Variants in IL1RAPL1 observed in about 807,000 individuals in gnomAD.
IL1RAPL1 encodes the protein interleukin 1 receptor accessory protein like 1, also known as interleukin-1 receptor accessory protein-like 1.
A neutral mutation model predicts 48.4 loss-of-function variants in IL1RAPL1; 3 were observed. The observed-to-expected ratio is 0.06, with a 90% confidence interval of 0.03 to 0.16. The LOEUF (loss-of-function observed/expected upper bound fraction) is 0.16. IL1RAPL1 is among the 10% of genes least tolerant of loss of function. IL1RAPL1 has a pLI of 1.00. For synonymous variants in IL1RAPL1, 185 were observed against 187.7 expected (o/e 0.99, Z 0.12); for missense variants, 349 against 530.6 (o/e 0.66, Z 3.36).
chrX:29,495,891 CTCTGTCTG>C (rs889185591), intron 5 of IL1RAPL1, among the ~76,000 whole-genome samples: 11 of 110,729 alleles, frequency 9.9e-5, no homozygotes, highest in African/African-American at 3.3e-4. Flanking sequence ...CTCTCTCTCT[CTCTGTCTG>C]TCTGTCTCTC....
intron 1 of IL1RAPL1, among the ~76,000 whole-genome samples, chrX:28,668,440 A>T (rs2146912951): frequency 8.9e-6 from 1 of 112,100 alleles, no homozygotes; most frequent in Admixed American, 9.4e-5. Context: ...TTGTATCTTT[A>T]GTAGAGACAG....
chrX:28,831,117 C>A (rs1165014073), intron 2 of IL1RAPL1, among the ~76,000 whole-genome samples: 2 of 87,623 alleles, frequency 2.3e-5, no homozygotes, highest in Admixed American at 1.4e-4. Context: ...TGGCAATTTA[C>A]AACTCTGCCT....
intron 3 of IL1RAPL1, among the ~76,000 whole-genome samples, chrX:29,370,864 GTAT>G (rs772484091): frequency 1.2e-4 from 13 of 109,183 alleles, no homozygotes; most frequent in African/African-American, 3.3e-4. Context: ...CTTTTTCCTT[GTAT>G]TATTATTTTT....
At chrX:29,490,127 C>G (rs753209893) in intron 5 of IL1RAPL1, among the ~76,000 whole-genome samples, 6 of 110,627 alleles carry the variant, frequency 5.4e-5, no homozygotes, top group Non-Finnish European at 1.1e-4. Context: ...TGTGACAATT[C>G]CAGGCAGCAT....
At chrX:29,717,203 T>TACACACACACACACACAC (rs61417683) in intron 6 of IL1RAPL1, among the ~76,000 whole-genome samples, 55 of 95,544 alleles carry the variant, frequency 5.8e-4, no homozygotes, top group Middle Eastern at 5.2e-3. Context: ...AGAGCCAGAT[T>TACACACACACACACACAC]ACACACACAC....
At chrX:28,684,169 C>T (rs1214699114) in intron 1 of IL1RAPL1, among the ~76,000 whole-genome samples, 1 of 112,331 alleles carries the variant, frequency 8.9e-6, no homozygotes, top group East Asian at 2.8e-4. Context: ...TATTTTCACT[C>T]ATTTAAAGAT....
At chrX:29,158,629 G>A (rs1490475818) in intron 2 of IL1RAPL1, among the ~76,000 whole-genome samples, 1 of 110,751 alleles carries the variant, frequency 9.0e-6, no homozygotes, top group Non-Finnish European at 1.9e-5. Context: ...TGCCCGACTC[G>A]GCCTCCCAAA....
At chrX:28,591,810 C>T (rs188694656) in intron 1 of IL1RAPL1, among the ~76,000 whole-genome samples, 2 of 110,853 alleles carry the variant, frequency 1.8e-5, no homozygotes, top group Admixed American at 1.9e-4. Context: ...ACCTCTGACA[C>T]CACATTTGAT....
At chrX:29,430,341 T>C (rs933716834) in intron 5 of IL1RAPL1, among the ~76,000 whole-genome samples, 2 of 110,947 alleles carry the variant, frequency 1.8e-5, no homozygotes, top group Non-Finnish European at 3.8e-5. Context: ...GTGGTAAAAA[T>C]GTTTCATCGA....
At chrX:29,060,411 A>G (rs1413380122) in intron 2 of IL1RAPL1, among the ~76,000 whole-genome samples, 2 of 111,550 alleles carry the variant, frequency 1.8e-5, no homozygotes, top group Non-Finnish European at 3.8e-5. Flanking sequence ...CTTTCATTCT[A>G]TTTTTCTGAT....
chrX:29,455,631 A>T (rs1163643973), intron 5 of IL1RAPL1, among the ~76,000 whole-genome samples: 1 of 111,597 alleles, frequency 9.0e-6, no homozygotes. Flanking sequence ...GATTAATACA[A>T]AACCCCCTCC....
chrX:28,643,112 C>T lies in IL1RAPL1; in HGVS notation c.-25+55065C>T, dbSNP rs184411277. ...CCATGTTGGCCAGGCTGGTCTCAAA[C>T]TCCTGACCTAAGATGATCCGCCCGC... On this transcript the variant is annotated intron_variant, in intron 1 of 10. Coordinates refer to ENST00000378993, the MANE Select transcript of IL1RAPL1 (RefSeq NM_014271.4). Among the ~76,000 whole-genome samples, 865 of 111,417 alleles carry T rather than the reference C, an allele frequency of 7.8e-3. 10 individuals carry two copies. The highest frequency in any genetic ancestry group is 0.027 in the African/African-American group (822 of 30,652).
intron 2 of IL1RAPL1, among the ~76,000 whole-genome samples, chrX:29,261,472 T>C (rs747651899): frequency 9.0e-6 from 1 of 110,881 alleles, no homozygotes; most frequent in Admixed American, 9.7e-5. Flanking sequence ...ATTTAGTGAG[T>C]GGTACCAAAA....
intron 5 of IL1RAPL1, among the ~76,000 whole-genome samples, chrX:29,405,691 GT>G (rs377555834): frequency 1.5e-4 from 16 of 106,483 alleles, no homozygotes; most frequent in South Asian, 8.0e-4. Context: ...GATTGTCTGT[GT>G]TTTTTTTTTC....
chrX:28,706,520 C>T (rs1935376042), intron 1 of IL1RAPL1, among the ~76,000 whole-genome samples: 1 of 109,879 alleles, frequency 9.1e-6, no homozygotes. Flanking sequence ...TCAAGTGATT[C>T]TCCTGCCTCA....
At chrX:29,675,290 T>G (rs934388475) in intron 6 of IL1RAPL1, among the ~76,000 whole-genome samples, 1 of 112,247 alleles carries the variant, frequency 8.9e-6, no homozygotes, top group African/African-American at 3.2e-5. Context: ...TGAGTTTTCT[T>G]GTTCACTTAC....
At chrX:29,371,078 C>A (rs1602200064) in intron 3 of IL1RAPL1, among the ~76,000 whole-genome samples, 1 of 107,534 alleles carries the variant, frequency 9.3e-6, no homozygotes, top group East Asian at 2.9e-4. Flanking sequence ...TTATAGTCAC[C>A]CTATAGTGCA....
intron 2 of IL1RAPL1, among the ~76,000 whole-genome samples, chrX:28,827,188 T>C (rs1319518657): frequency 9.0e-6 from 1 of 111,274 alleles, no homozygotes; most frequent in African/African-American, 3.3e-5. Context: ...AGCATAAATA[T>C]TTTCTTCAGC....
Position 29,664,126 on chromosome X carries a change from C to T in IL1RAPL1, c.704-4304C>T, listed in dbSNP as rs755198435. 2.4e-3 allele frequency among the ~76,000 whole-genome samples: 266 copies of T among 112,128 alleles called. 1 individual carries two copies. The highest frequency in any genetic ancestry group is 8.3e-3 in the African/African-American group (256 of 30,896). ...AATGCTTCTAAGAAACAAAGTGGGC[C>T]GGGCGCGGTGGCTCACGCCTGTAAT... is the stretch of plus-strand genomic sequence containing the variant. On this transcript the variant is annotated intron_variant, in intron 5 of 10. Coordinates refer to ENST00000378993, the MANE Select transcript of IL1RAPL1 (RefSeq NM_014271.4).
Sources: gnomAD v4.1 joint callset for allele counts (sites outside exome capture counted in the v4.1 genomes callset) on GRCh38, gnomAD v4.1.1 for gene constraint, MANE v1.5 for transcripts, NCBI Gene and HGNC (gene_info 2026-07-23, HGNC 2026-07-21) for gene names.